DPP10: variants seen among roughly 807,000 people sequenced by gnomAD.
DPP10 encodes inactive dipeptidyl peptidase 10.
A neutral mutation model predicts 120.9 loss-of-function variants in DPP10; 33 were observed. The observed-to-expected ratio is 0.27, with a 90% CI of 0.21 to 0.37. DPP10 has a LOEUF of 0.37. Ranked by LOEUF, DPP10 falls within the 10% of genes least tolerant of loss-of-function variation. The pLI, the probability that DPP10 is intolerant of heterozygous loss-of-function variation, is 1.00. For missense variants in DPP10, 816 were observed against 942.8 expected, an observed-to-expected ratio of 0.87 and a Z score of 1.76; for synonymous variants, 337 against 326.1, an observed-to-expected ratio of 1.03 and a Z score of -0.36.
intron 5 of DPP10, among the ~76,000 whole-genome samples, chr2:115,689,441 A>G (rs1348951103): frequency 6.6e-6 from 1 of 152,182 alleles, no homozygotes; most frequent in Admixed American, 6.5e-5. Flanking sequence ...ATTTTGAACA[A>G]GAAAGTAACA....
At chr2:114,825,838 T>G (rs1456805257) in intron 1 of DPP10, among the ~76,000 whole-genome samples, 3 of 152,172 alleles carry the variant, frequency 2.0e-5, no homozygotes, top group Admixed American at 6.5e-5. Flanking sequence ...GAGGGCATAA[T>G]AAAGTAAAAA....
rs555199619 is a variant in DPP10 at position 115,017,294 on chromosome 2, C to G, written c.61-291945C>G. Among the ~76,000 whole-genome samples the G allele has an allele frequency of 1.6e-4, 24 of 151,200 alleles. No homozygotes were observed. In the South Asian group the frequency reaches 4.8e-3, roughly 30 times the overall value. On this transcript the variant is annotated intron_variant, in intron 1 of 25. Coordinates refer to ENST00000410059, the MANE Select transcript of DPP10 (RefSeq NM_020868.6). ...CCATCAGAGAAATGCAAATCAAAAC[C>G]AAAATGAGATACCATCTCATCCCAG...
chr2:114,870,787 T>C (rs1690630970), intron 1 of DPP10, among the ~76,000 whole-genome samples: 2 of 135,900 alleles, frequency 1.5e-5, no homozygotes, highest in African/African-American at 5.1e-5. Context: ...CATTTTTATT[T>C]TAGATAAAGT....
intron 1 of DPP10, among the ~76,000 whole-genome samples, chr2:114,613,289 A>G (rs1415922318): frequency 2.0e-5 from 3 of 152,184 alleles, no homozygotes; most frequent in East Asian, 3.9e-4. Context: ...TTAATGGGGA[A>G]GATATAAAAT....
At chr2:115,340,773 T>A (rs557031239) in intron 2 of DPP10, among the ~76,000 whole-genome samples, 1 of 151,786 alleles carries the variant, frequency 6.6e-6, no homozygotes. Context: ...ATAATACAGT[T>A]AATTTTTTAA....
At chr2:115,108,242 A>G (rs1267789686) in intron 1 of DPP10, among the ~76,000 whole-genome samples, 1 of 152,242 alleles carries the variant, frequency 6.6e-6, no homozygotes, top group Non-Finnish European at 1.5e-5. Flanking sequence ...AGAATTTAAA[A>G]AATCACTGCA....
At chr2:115,307,173 G>A (rs534739479) in intron 1 of DPP10, among the ~76,000 whole-genome samples, 2 of 152,066 alleles carry the variant, frequency 1.3e-5, no homozygotes, top group African/African-American at 4.8e-5. Context: ...ATGTGAGATT[G>A]CAAATCTAAA....
chr2:114,965,835 G>A (rs546208758), intron 1 of DPP10, among the ~76,000 whole-genome samples: 6 of 151,522 alleles, frequency 4.0e-5, no homozygotes, highest in East Asian at 3.9e-4. Context: ...GGACAATGGC[G>A]AGCACCTGTA....
Position 114,573,968 on chromosome 2 carries a change from AT to A in DPP10, c.60+131133del, listed in dbSNP as rs1689852745. Among the ~76,000 whole-genome samples the A allele has an allele frequency of 2.0e-5, 3 of 152,186 alleles. No homozygotes were observed. The South Asian group carries it at 6.2e-4, about 31-fold the overall frequency. The stretch of plus-strand genomic sequence containing the variant: ...GGAGGCATCAAAGAATGATTACTAC[AT>A]TTGATCGTGGTGAAAGAGGAATCAT... On this transcript the variant is annotated intron_variant, in intron 1 of 25. Coordinates refer to ENST00000410059, the MANE Select transcript of DPP10 (RefSeq NM_020868.6).
At chr2:115,329,500 A>C (rs2062573743) in intron 2 of DPP10, among the ~76,000 whole-genome samples, 1 of 151,992 alleles carries the variant, frequency 6.6e-6, no homozygotes, top group Admixed American at 6.6e-5. Flanking sequence ...GGTTTGTTAC[A>C]TATGTATACA....
chr2:114,928,706 A>G (rs1240039995), intron 1 of DPP10, among the ~76,000 whole-genome samples: 1 of 151,818 alleles, frequency 6.6e-6, no homozygotes, highest in East Asian at 1.9e-4. Context: ...AGTGGTGGCT[A>G]TGCTTCTGCA....
chr2:115,138,083 T>C (rs2104825727), intron 1 of DPP10, among the ~76,000 whole-genome samples: 1 of 152,346 alleles, frequency 6.6e-6, no homozygotes, highest in East Asian at 1.9e-4. Flanking sequence ...TTTTAAATTC[T>C]AATTTGCATT....
intron 1 of DPP10, among the ~76,000 whole-genome samples, chr2:114,572,191 G>A (rs1321988945): frequency 6.6e-6 from 1 of 151,930 alleles, no homozygotes; most frequent in African/African-American, 2.4e-5. Context: ...ATCATCTTTT[G>A]TAAACAATTT....
chr2:114,925,816 C>A (rs565926420), intron 1 of DPP10, among the ~76,000 whole-genome samples: 110 of 152,284 alleles, frequency 7.2e-4, no homozygotes, highest in African/African-American at 2.6e-3. Context: ...GCTGTCCTCA[C>A]ATGTGCCGCT....
chr2:114,867,702 T>G (rs1370424095), intron 1 of DPP10, among the ~76,000 whole-genome samples: 5 of 152,246 alleles, frequency 3.3e-5, no homozygotes, highest in Non-Finnish European at 7.3e-5. Context: ...ACCATTTTCA[T>G]GCCTCCACGA....
intron 7 of DPP10, among the ~76,000 whole-genome samples, chr2:115,697,121 A>G (rs969142948): frequency 6.6e-6 from 1 of 152,142 alleles, no homozygotes; most frequent in African/African-American, 2.4e-5. Context: ...AAAACATTCT[A>G]CTATTAAAAA....
At chr2:115,741,670 A>C (rs965537753) in intron 9 of DPP10, among the ~76,000 whole-genome samples, 1 of 152,188 alleles carries the variant, frequency 6.6e-6, no homozygotes, top group East Asian at 1.9e-4. Context: ...TGCTCAACGC[A>C]CTGCACAAAG....
At chr2:114,509,979 C>T (rs570904641) in intron 1 of DPP10, among the ~76,000 whole-genome samples, 4 of 152,190 alleles carry the variant, frequency 2.6e-5, no homozygotes, top group East Asian at 1.9e-4. Flanking sequence ...ATGAGTGAAT[C>T]GTGGTGGGAA....
At chr2:115,546,020 G>A (rs1039733273) in intron 5 of DPP10, among the ~76,000 whole-genome samples, 4 of 152,038 alleles carry the variant, frequency 2.6e-5, no homozygotes, top group Non-Finnish European at 5.9e-5. Flanking sequence ...GGACAAAAAA[G>A]GCAAGAGGAA....
Sources: gnomAD v4.1 joint callset for allele counts (sites outside exome capture counted in the v4.1 genomes callset) on GRCh38, gnomAD v4.1.1 for gene constraint, MANE v1.5 for transcripts, NCBI Gene and HGNC (gene_info 2026-07-23, HGNC 2026-07-21) for gene names.